Variants in CFAP97 observed in about 807,000 individuals in gnomAD.
The protein encoded by CFAP97 is cilia- and flagella-associated protein 97.
A neutral mutation model predicts 43.1 loss-of-function variants in CFAP97; 36 were observed. That is an observed-to-expected ratio of 0.84 (90% CI 0.64 to 1.10). The LOEUF is 1.10. Among genes scored for constraint, CFAP97 ranks in the 50% least tolerant of loss-of-function variants. CFAP97 has a pLI of 0.00. For missense variants in CFAP97, 657 were observed against 620.3 expected, an observed-to-expected ratio of 1.06 and a Z score of -0.63; for synonymous variants, 228 against 225.7, an observed-to-expected ratio of 1.01 and a Z score of -0.09.
Position 185,196,444 on chromosome 4 carries a change from G to A in CFAP97, c.-16-5232C>T, listed in dbSNP as rs137918927. Among the ~76,000 whole-genome samples the A allele has an allele frequency of 2.9e-3, 440 of 149,350 alleles. 17 individuals are homozygous for A. In the South Asian group the frequency reaches 0.064, roughly 22 times the overall value. On this transcript the variant is annotated intron_variant, in intron 1 of 4. Coordinates refer to ENST00000458385, the MANE Select transcript of CFAP97 (RefSeq NM_020827.3). ...AGCTGAGATCATGCTTCCAGCCTGGGGGACAGAAGGATAGTCCGTCTCAAA... is the reference window on the plus strand; with the variant it reads ...AGCTGAGATCATGCTTCCAGCCTGGAGGACAGAAGGATAGTCCGTCTCAAA...
At chr4:185,184,407 C>A (rs558750659) in intron 2 of CFAP97, among the ~76,000 whole-genome samples, 1 of 152,288 alleles carries the variant, frequency 6.6e-6, no homozygotes, top group African/African-American at 2.4e-5. Flanking sequence ...GGAGCGTAAC[C>A]AGTTCTGGGC....
chr4:185,187,695 GC>G (rs903268113), intron 2 of CFAP97, among the ~76,000 whole-genome samples: 3 of 151,508 alleles, frequency 2.0e-5, no homozygotes, highest in African/African-American at 7.3e-5. Flanking sequence ...GGTCGAAAAG[GC>G]CAGCAATATC....
At chr4:185,203,213 TAAAA>T (rs1394521526) in intron 1 of CFAP97, among the ~76,000 whole-genome samples, 1 of 151,568 alleles carries the variant, frequency 6.6e-6, no homozygotes, top group African/African-American at 2.4e-5. Flanking sequence ...AAAATAAAAA[TAAAA>T]AAAAGAGACA....
At chr4:185,173,072 TAATC>T (rs1202569347) in intron 3 of CFAP97, among the ~76,000 whole-genome samples, 2 of 150,708 alleles carry the variant, frequency 1.3e-5, no homozygotes, top group Admixed American at 6.6e-5. Flanking sequence ...AATAGAAAAA[TAATC>T]AAAGTCAACG....
chr4:185,186,952 T>A (rs563660138), intron 2 of CFAP97, among the ~76,000 whole-genome samples: 2 of 152,336 alleles, frequency 1.3e-5, no homozygotes, highest in East Asian at 3.9e-4. Flanking sequence ...AGGAGAGAGC[T>A]GCAGCCTGCT....
At chr4:185,180,873 C>T (rs79816506) in intron 2 of CFAP97, among the ~76,000 whole-genome samples, 4,529 of 152,132 alleles carry the variant, frequency 0.03, 108 homozygotes, top group Middle Eastern at 0.071. Flanking sequence ...GACCCCTTAA[C>T]ACCCCCCCTA....
At chr4:185,183,960 G>A (rs1382512715) in intron 2 of CFAP97, among the ~76,000 whole-genome samples, 1 of 152,186 alleles carries the variant, frequency 6.6e-6, no homozygotes, top group Non-Finnish European at 1.5e-5. Context: ...AACTGTTCAG[G>A]AGTTTGGGGT....
At chr4:185,192,194 C>T (rs1024838101) in intron 1 of CFAP97, among the ~76,000 whole-genome samples, 6 of 152,236 alleles carry the variant, frequency 3.9e-5, no homozygotes, top group Non-Finnish European at 7.3e-5. Flanking sequence ...GTCACACATA[C>T]AGGCTGCACA....
intron 3 of CFAP97, among the ~76,000 whole-genome samples, chr4:185,167,388 C>T (rs1735112896): frequency 6.6e-6 from 1 of 152,050 alleles, no homozygotes; most frequent in East Asian, 1.9e-4. Flanking sequence ...GGCTTGAGTC[C>T]AGGAGGTCGA....
chr4:185,203,539 G>A (rs897033245), intron 1 of CFAP97, among the ~76,000 whole-genome samples: 1 of 152,098 alleles, frequency 6.6e-6, no homozygotes, highest in African/African-American at 2.4e-5. Flanking sequence ...TAACCCCTCG[G>A]GCCTCGTGGG....
At chr4:185,173,596 G>A (rs1028570235) in intron 3 of CFAP97, among the ~76,000 whole-genome samples, 27 of 152,206 alleles carry the variant, frequency 1.8e-4, no homozygotes, top group African/African-American at 6.5e-4. Context: ...CTACAACATA[G>A]ATGAAACATG....
At chr4:185,186,663 C>T (rs1450264603) in intron 2 of CFAP97, among the ~76,000 whole-genome samples, 1 of 152,128 alleles carries the variant, frequency 6.6e-6, no homozygotes, top group Admixed American at 6.6e-5. Flanking sequence ...GCAAAAATCA[C>T]TAATTTTTTT....
chr4:185,164,089 G>T lies in CFAP97; in HGVS notation c.1411C>A (p.Leu471Ile). 6.2e-7 allele frequency: 1 copy of T among 1,613,954 alleles called. No individual in the cohort carries two copies. The highest frequency in any genetic ancestry group is 8.5e-7 in the Non-Finnish European group (1 of 1,179,848). Reference protein sequence around the residue: ...LMDYHRNMGYLNSSPLSRRAR... With the variant: ...LMDYHRNMGYINSSPLSRRAR... ...CGTCTTGACAATGGTGATGAGTTGA[G>T]ATAGCCCATATTGCGATGATAGTCC... Residue 471 changes from leucine to isoleucine, a missense_variant, in exon 4 of 5, where the codon CTC becomes ATC. Physicochemically the swap from Leu to Ile is conservative, Grantham distance 5. Transcript: ENST00000458385.
intron 4 of CFAP97, 107 bp downstream of exon 4, chr4:185,163,922 G>T: frequency 2.1e-6 from 2 of 935,976 alleles, no homozygotes; most frequent in Non-Finnish European, 3.2e-6. Context: ...ATAACAGAAC[G>T]CATTCCAGAG....
At chr4:185,206,280 A>C (rs1440188962), upstream of CFAP97, among the ~76,000 whole-genome samples, 1 of 152,218 alleles carries the variant, frequency 6.6e-6, no homozygotes, top group East Asian at 1.9e-4. Flanking sequence ...GATGAAGCAG[A>C]ATGTAGTAGA....
At chr4:185,169,760 T>C in intron 3 of CFAP97, 1 of 985,414 alleles carries the variant, frequency 1.0e-6, no homozygotes, top group Non-Finnish European at 1.2e-6. Context: ...CACTAAAAAG[T>C]AACAACTGTC....
chr4:185,192,733 CTTTT>C (rs760026667), intron 1 of CFAP97, among the ~76,000 whole-genome samples: 16 of 81,416 alleles, frequency 2.0e-4, no homozygotes, highest in East Asian at 6.9e-4. Context: ...AATTGACCTT[CTTTT>C]TTTTTTTTTT....
chr4:185,206,660 C>CAAAAAA (rs375061067), upstream of CFAP97, among the ~76,000 whole-genome samples: 190 of 77,116 alleles, frequency 2.5e-3, 4 homozygotes, highest in African/African-American at 3.4e-3. Context: ...ACTCTTGTCT[C>CAAAAAA]AAAAAAAAAA....
intron 2 of CFAP97, among the ~76,000 whole-genome samples, chr4:185,181,487 G>A (rs1020956451): frequency 7.3e-5 from 11 of 151,592 alleles, no homozygotes; most frequent in Admixed American, 2.0e-4. Flanking sequence ...CACCACGCAC[G>A]GCTAATTTTG....
Sources: allele counts gnomAD v4.1 joint callset (sites outside exome capture counted in the v4.1 genomes callset), GRCh38; gene constraint gnomAD v4.1.1; transcripts MANE v1.5; gene names NCBI Gene and HGNC (gene_info 2026-07-23, HGNC 2026-07-21).